KCTD16: variants seen among roughly 807,000 people sequenced by gnomAD.
KCTD16 encodes BTB/POZ domain-containing protein KCTD16.
KCTD16 carries 13 observed loss-of-function variants against 33.2 expected under a neutral mutation model. The observed-to-expected ratio is 0.39, with a 90% CI of 0.25 to 0.62. KCTD16 has a LOEUF of 0.62. KCTD16 is among the 20% of genes least tolerant of loss of function. The probability of loss-of-function intolerance (pLI) is 0.50; values close to 1 mark genes in which losing one functional copy is unlikely to be tolerated. For synonymous variants in KCTD16, 197 were observed against 195.3 expected, an observed-to-expected ratio of 1.01 and a Z score of -0.07; for missense variants, 441 against 525.1, an observed-to-expected ratio of 0.84 and a Z score of 1.57.
At chr5:144,312,631 A>T (rs1751796231) in intron 3 of KCTD16, among the ~76,000 whole-genome samples, 1 of 152,236 alleles carries the variant, frequency 6.6e-6, no homozygotes, top group Non-Finnish European at 1.5e-5. Flanking sequence ...GAGCACATAA[A>T]AAAGGAGAAG....
intron 3 of KCTD16, among the ~76,000 whole-genome samples, chr5:144,280,653 A>T (rs755800530): frequency 5.9e-5 from 9 of 152,164 alleles, no homozygotes; most frequent in Non-Finnish European, 1.0e-4. Flanking sequence ...GGCTGGGCGC[A>T]GTGGCTCACG....
intron 1 of KCTD16, among the ~76,000 whole-genome samples, chr5:144,171,873 C>T (rs191122603): frequency 1.7e-3 from 252 of 152,290 alleles, no homozygotes; most frequent in African/African-American, 5.8e-3. Flanking sequence ...ATTGCTTTGG[C>T]TCCTGTGTTA....
chr5:144,398,352 C>T (rs1752625881), intron 3 of KCTD16, among the ~76,000 whole-genome samples: 2 of 152,264 alleles, frequency 1.3e-5, no homozygotes, highest in Non-Finnish European at 1.5e-5. Flanking sequence ...TATTATTATA[C>T]ACACATACTA....
Position 144,435,817 on chromosome 5 carries a change from G to A in KCTD16, c.833-37843G>A, listed in dbSNP as rs181964628. 3.6e-3 allele frequency among the ~76,000 whole-genome samples: 534 copies of A among 150,386 alleles called. 2 individuals carry two copies. Among genetic ancestry groups the A allele is most frequent in the African/African-American group, 0.013 (512 of 40,450 alleles). On this transcript the variant is annotated intron_variant, in intron 3 of 3. Coordinates refer to ENST00000512467, the MANE Select transcript of KCTD16 (RefSeq NM_020768.4). ...TTGTGTGCTTTGTGTGTGTGTGTGC[G>A]CTTTCCTGTGTGTGTGTGTGTGTGT...
intron 3 of KCTD16, among the ~76,000 whole-genome samples, chr5:144,261,528 T>C (rs1489977984): frequency 6.6e-6 from 1 of 152,248 alleles, no homozygotes; most frequent in Admixed American, 6.5e-5. Flanking sequence ...AAAGTGTTTT[T>C]ACAAATGTAA....
chr5:144,328,891 TC>T (rs1394351077), intron 3 of KCTD16, among the ~76,000 whole-genome samples: 1 of 152,048 alleles, frequency 6.6e-6, no homozygotes, highest in Non-Finnish European at 1.5e-5. Context: ...GCATCTGATT[TC>T]TTATTGCCTG....
chr5:144,417,405 A>G (rs1753084210), intron 3 of KCTD16, among the ~76,000 whole-genome samples: 1 of 151,978 alleles, frequency 6.6e-6, no homozygotes, highest in South Asian at 2.1e-4. Context: ...TTTGTTGCCC[A>G]TTTGCATATT....
At chr5:144,233,724 C>G (rs1391631494) in intron 3 of KCTD16, among the ~76,000 whole-genome samples, 2 of 152,152 alleles carry the variant, frequency 1.3e-5, no homozygotes, top group African/African-American at 4.8e-5. Context: ...CATCCGTAAA[C>G]AGGACAGATA....
At chr5:144,432,853 T>C (rs1262407465) in intron 3 of KCTD16, among the ~76,000 whole-genome samples, 1 of 152,102 alleles carries the variant, frequency 6.6e-6, no homozygotes, top group Non-Finnish European at 1.5e-5. Context: ...TATGTATGCA[T>C]ACACACACAC....
At chr5:144,376,631 G>T (rs1752099827) in intron 3 of KCTD16, among the ~76,000 whole-genome samples, 3 of 152,168 alleles carry the variant, frequency 2.0e-5, no homozygotes, top group Non-Finnish European at 4.4e-5. Flanking sequence ...CTTGAGAGAA[G>T]CGTCATATGT....
At chr5:144,297,212 C>G (rs1023483849) in intron 3 of KCTD16, among the ~76,000 whole-genome samples, 1 of 152,050 alleles carries the variant, frequency 6.6e-6, no homozygotes, top group African/African-American at 2.4e-5. Context: ...TTTAGTAATA[C>G]TTTTCTTGCT....
intron 3 of KCTD16, among the ~76,000 whole-genome samples, chr5:144,287,828 G>T (rs1196975767): frequency 6.6e-6 from 1 of 151,994 alleles, no homozygotes; most frequent in South Asian, 2.1e-4. Context: ...TAGAGTCGAG[G>T]TTTCACCATG....
chr5:144,261,167 C>CAA (rs1299878040), intron 3 of KCTD16, among the ~76,000 whole-genome samples: 93 of 78,024 alleles, frequency 1.2e-3, no homozygotes, highest in Non-Finnish European at 1.4e-3. Flanking sequence ...GGAACAACAA[C>CAA]AAAAAAAAAA....
At chr5:144,417,327 T>G (rs982865850) in intron 3 of KCTD16, among the ~76,000 whole-genome samples, 1 of 152,126 alleles carries the variant, frequency 6.6e-6, no homozygotes, top group African/African-American at 2.4e-5. Context: ...GGATATCAAA[T>G]GGTGCCTCAT....
At chr5:144,372,156 A>C (rs1019271585) in intron 3 of KCTD16, among the ~76,000 whole-genome samples, 1 of 151,670 alleles carries the variant, frequency 6.6e-6, no homozygotes, top group Non-Finnish European at 1.5e-5. Context: ...GTTTATATGC[A>C]ATTTCTAAAT....
chr5:144,479,810 G>A lies in KCTD16; in HGVS notation c.*5696G>A, dbSNP rs999671664. On this transcript the variant is annotated 3_prime_UTR_variant, in exon 4 of 4. Transcript: ENST00000512467. ...AGACTGTCATCCTTGCATTATTTAG[G>A]AAATTTACTTTTAAAAGGATAAAGA... The A allele has an allele frequency of 6.6e-6, 1 of 151,868 alleles. No homozygotes were observed. The highest frequency in any genetic ancestry group is 2.4e-5 in the African/African-American group (1 of 41,392). The allele number at this position is 151,868 out of a possible 1,614,324, so 9.4% of individuals were successfully genotyped here. A position where few individuals can be genotyped will look rare whatever the true frequency, so the allele number is the denominator to read the frequency against.
chr5:144,393,460 C>T (rs1752495250), intron 3 of KCTD16, among the ~76,000 whole-genome samples: 1 of 151,904 alleles, frequency 6.6e-6, no homozygotes, highest in Non-Finnish European at 1.5e-5. Flanking sequence ...ACTTTCTAGC[C>T]CTGTGTCATA....
chr5:144,442,645 T>C (rs1396477205), intron 3 of KCTD16, among the ~76,000 whole-genome samples: 2 of 151,856 alleles, frequency 1.3e-5, no homozygotes, highest in African/African-American at 4.8e-5. Context: ...GTAATTCTGC[T>C]TGTTTTGGAG....
chr5:144,484,006 G>A lies in KCTD16; in HGVS notation c.*9892G>A, dbSNP rs942254956. 1.3e-5 allele frequency: 2 copies of A among 151,880 alleles called. No homozygotes were observed. The highest frequency in any genetic ancestry group is 2.4e-5 in the African/African-American group (1 of 41,396). 9.4% of individuals were successfully genotyped at this position (151,880 alleles called of 1,614,324 possible). ...TTTTTCCCCAAAATTTTGGAGCAGA[G>A]GGGACGTTTTACATCATCCTAACTT... On this transcript the variant is annotated 3_prime_UTR_variant, in exon 4 of 4. Transcript: ENST00000512467.
Sources: allele counts gnomAD v4.1 joint callset (sites outside exome capture counted in the v4.1 genomes callset), GRCh38; gene constraint gnomAD v4.1.1; transcripts MANE v1.5; gene names NCBI Gene and HGNC (gene_info 2026-07-23, HGNC 2026-07-21).